The following POPDC1 variants were observed in gnomAD, a reference collection of about 807,000 sequenced individuals.
POPDC1 encodes popeye domain cAMP effector 1, also known as popeye domain-containing protein 1.
chr6:105,116,287 T>C, the POPDC1 span, among the ~76,000 whole-genome samples: 5 of 152,192 alleles, frequency 3.3e-5, no homozygotes, highest in East Asian at 1.9e-4. Context: ...CTCCTTTCAC[T>C]TTCTCGCCTG....
At chr6:105,107,658 T>C in the POPDC1 span, among the ~76,000 whole-genome samples, 7 of 152,250 alleles carry the variant, frequency 4.6e-5, no homozygotes, top group Admixed American at 3.3e-4. Context: ...TTAATGACGT[T>C]TTCTCCATTT....
the POPDC1 span, among the ~76,000 whole-genome samples, chr6:105,102,675 T>C: frequency 1.3e-5 from 2 of 152,172 alleles, no homozygotes; most frequent in African/African-American, 2.4e-5. Context: ...CTCCATGGGA[T>C]TGTTAGGAGG....
chr6:105,118,610 G>T, the POPDC1 span, among the ~76,000 whole-genome samples: 1 of 152,130 alleles, frequency 6.6e-6, no homozygotes, highest in East Asian at 1.9e-4. Context: ...AATTAATAAA[G>T]AAATATGACA....
chr6:105,117,850 T>C, the POPDC1 span, among the ~76,000 whole-genome samples: 1 of 152,222 alleles, frequency 6.6e-6, no homozygotes, highest in East Asian at 1.9e-4. Flanking sequence ...CTTAAGCAAA[T>C]GAACACACAA....
At chr6:105,111,372 A>G in the POPDC1 span, among the ~76,000 whole-genome samples, 8 of 152,214 alleles carry the variant, frequency 5.3e-5, no homozygotes, top group African/African-American at 1.9e-4. Flanking sequence ...GGGAGCTAAG[A>G]AGGAGAGAAG....
At chr6:105,097,387 C>A in the POPDC1 span, 1 of 152,214 alleles carries the variant, frequency 6.6e-6, no homozygotes, top group African/African-American at 2.4e-5. Flanking sequence ...AAATGGGTTT[C>A]TAAAAAACGC....
At chr6:105,129,877 A>C in the POPDC1 span, among the ~76,000 whole-genome samples, 1 of 152,184 alleles carries the variant, frequency 6.6e-6, no homozygotes, top group Non-Finnish European at 1.5e-5. Context: ...TTTCCATTTA[A>C]TATTATTGGA....
chr6:105,124,449 C>T, the POPDC1 span: 1 of 854,994 alleles, frequency 1.2e-6, no homozygotes, highest in Non-Finnish European at 1.9e-6. Flanking sequence ...TTGTTTTTCC[C>T]CCCAATAATT....
chr6:105,108,519 A>G, the POPDC1 span, among the ~76,000 whole-genome samples: 5 of 152,246 alleles, frequency 3.3e-5, no homozygotes, highest in Non-Finnish European at 7.3e-5. Context: ...TTCACCTAAA[A>G]GACAGAATGA....
At chr6:105,117,447 AT>A in the POPDC1 span, among the ~76,000 whole-genome samples, 4 of 152,204 alleles carry the variant, frequency 2.6e-5, no homozygotes, top group Non-Finnish European at 5.9e-5. Context: ...AGGGTAGCCC[AT>A]TAGAGATATT....
At chr6:105,124,474 T>C in the POPDC1 span, 13 of 1,049,104 alleles carry the variant, frequency 1.2e-5, no homozygotes, top group Non-Finnish European at 1.9e-5. Flanking sequence ...GCAGTGTTTC[T>C]ATTAATATCC....
the POPDC1 span, chr6:105,098,153 G>A: frequency 6.6e-6 from 1 of 152,170 alleles, no homozygotes; most frequent in Admixed American, 6.5e-5. Flanking sequence ...CATCTTATTG[G>A]GAACTTTGGC....
chr6:105,126,275 G>GAAAGAA, the POPDC1 span, among the ~76,000 whole-genome samples: 5 of 150,204 alleles, frequency 3.3e-5, no homozygotes, highest in Admixed American at 1.3e-4. Flanking sequence ...GAAAAGAAAA[G>GAAAGAA]AAAGAAAAAG....
the POPDC1 span, chr6:105,097,995 TAATATA>T: frequency 6.6e-6 from 1 of 152,232 alleles, no homozygotes; most frequent in Non-Finnish European, 1.5e-5. Flanking sequence ...ATATACATTC[TAATATA>T]AATATTACAC....
At chr6:105,123,761 G>T in the POPDC1 span, among the ~76,000 whole-genome samples, 1 of 152,174 alleles carries the variant, frequency 6.6e-6, no homozygotes, top group Non-Finnish European at 1.5e-5. Context: ...CCATTACGAA[G>T]AACTTCGTTC....
the POPDC1 span, among the ~76,000 whole-genome samples, chr6:105,110,762 C>A: frequency 6.6e-6 from 1 of 152,102 alleles, no homozygotes; most frequent in Non-Finnish European, 1.5e-5. Flanking sequence ...TGGCTCACTG[C>A]AGCCTAGATC....
the POPDC1 span, chr6:105,098,119 G>C: frequency 6.6e-6 from 1 of 152,110 alleles, no homozygotes; most frequent in Non-Finnish European, 1.5e-5. Flanking sequence ...ATTCAGCTAA[G>C]TAAAGGCCAA....
the POPDC1 span, among the ~76,000 whole-genome samples, chr6:105,120,360 T>C: frequency 6.6e-6 from 1 of 152,100 alleles, no homozygotes; most frequent in Non-Finnish European, 1.5e-5. Flanking sequence ...TTTACTTGAT[T>C]CCTAATGTTT....
chr6:105,117,852 A>AACAC, the POPDC1 span, among the ~76,000 whole-genome samples: 1 of 152,192 alleles, frequency 6.6e-6, no homozygotes, highest in Non-Finnish European at 1.5e-5. Context: ...TAAGCAAATG[A>AACAC]ACACACAACA....
Sources: allele counts gnomAD v4.1 joint callset (sites outside exome capture counted in the v4.1 genomes callset), GRCh38; gene constraint gnomAD v4.1.1; transcripts MANE v1.5; gene names NCBI Gene and HGNC (gene_info 2026-07-23, HGNC 2026-07-21).